The following DNM3 variants were observed in gnomAD, a reference collection of about 807,000 sequenced individuals.
DNM3 encodes the protein dynamin-3.
A neutral mutation model predicts 101.6 loss-of-function variants in DNM3; 47 were observed. That is an observed-to-expected ratio of 0.46 (90% CI 0.37 to 0.59). DNM3 has a LOEUF of 0.59. Ranked by LOEUF, DNM3 falls within the 20% of genes least tolerant of loss-of-function variation. The pLI is 0.00. For synonymous variants in DNM3, 385 were observed against 387.9 expected (o/e 0.99, Z 0.09); for missense variants, 849 against 1,085.7 (o/e 0.78, Z 3.06).
At chr1:172,303,120 G>T (rs2064556079) in intron 15 of DNM3, among the ~76,000 whole-genome samples, 1 of 152,086 alleles carries the variant, frequency 6.6e-6, no homozygotes, top group South Asian at 2.1e-4. Context: ...TTGCAAGGAA[G>T]CTAAAAACCT....
At chr1:172,121,227 A>G (rs531594986) in intron 13 of DNM3, among the ~76,000 whole-genome samples, 2 of 152,332 alleles carry the variant, frequency 1.3e-5, no homozygotes, top group African/African-American at 4.8e-5. Flanking sequence ...GAAAAAAACT[A>G]GAGCCCTGAT....
intron 11 of DNM3, among the ~76,000 whole-genome samples, chr1:172,073,694 T>C (rs1231069544): frequency 6.6e-6 from 1 of 152,146 alleles, no homozygotes; most frequent in Non-Finnish European, 1.5e-5. Flanking sequence ...ATACTCACAA[T>C]AGTCACCAAA....
intron 4 of DNM3, among the ~76,000 whole-genome samples, chr1:172,018,292 C>A (rs879693657): frequency 2.0e-5 from 3 of 151,884 alleles, no homozygotes; most frequent in Admixed American, 2.0e-4. Context: ...GTATCCCACT[C>A]TTTTTCTGCC....
chr1:172,146,256 A>T (rs1470472138), intron 14 of DNM3, among the ~76,000 whole-genome samples: 1 of 152,182 alleles, frequency 6.6e-6, no homozygotes, highest in Non-Finnish European at 1.5e-5. Context: ...GTACTGTCCT[A>T]AAGCATTTGC....
intron 1 of DNM3, among the ~76,000 whole-genome samples, chr1:171,897,089 A>T (rs1487120022): frequency 6.6e-6 from 1 of 152,064 alleles, no homozygotes; most frequent in East Asian, 1.9e-4. Flanking sequence ...ATTTTTTAGC[A>T]TCTTCTTCAT....
intron 17 of DNM3, among the ~76,000 whole-genome samples, chr1:172,337,839 CATTTT>C (rs770458024): frequency 9.1e-5 from 13 of 143,514 alleles, no homozygotes; most frequent in East Asian, 2.0e-4. Context: ...TGGGAGTATT[CATTTT>C]ATTTTATTTT....
At chr1:171,960,650 C>T (rs1390978645) in intron 2 of DNM3, among the ~76,000 whole-genome samples, 1 of 151,986 alleles carries the variant, frequency 6.6e-6, no homozygotes. Context: ...GAAGAGAAAC[C>T]TGAGCAGATA....
intron 20 of DNM3, among the ~76,000 whole-genome samples, chr1:172,395,440 G>A (rs1391271116): frequency 6.6e-6 from 1 of 151,962 alleles, no homozygotes; most frequent in African/African-American, 2.4e-5. Context: ...CAGAGTGCTG[G>A]GATTACAGCC....
chr1:171,944,500 A>G (rs892878156), intron 2 of DNM3, among the ~76,000 whole-genome samples: 4 of 151,696 alleles, frequency 2.6e-5, no homozygotes, highest in African/African-American at 9.7e-5. Flanking sequence ...TACCCGCTGC[A>G]GTGGCTGGGA....
At chr1:172,338,103 G>A (rs2066528509) in intron 17 of DNM3, among the ~76,000 whole-genome samples, 1 of 151,722 alleles carries the variant, frequency 6.6e-6, no homozygotes, top group Non-Finnish European at 1.5e-5. Context: ...TTTTAGTAGA[G>A]ACGGGGTTTC....
At chr1:172,196,918 C>T (rs2059971991) in intron 14 of DNM3, among the ~76,000 whole-genome samples, 2 of 152,064 alleles carry the variant, frequency 1.3e-5, no homozygotes, top group Admixed American at 1.3e-4. Context: ...TTAATTAGAT[C>T]CCACTTGTCA....
chr1:172,288,027 C>T (rs2148809271), intron 15 of DNM3, among the ~76,000 whole-genome samples: 1 of 152,230 alleles, frequency 6.6e-6, no homozygotes, highest in Non-Finnish European at 1.5e-5. Context: ...TAAGCTAATT[C>T]AACCATTGGC....
intron 8 of DNM3, among the ~76,000 whole-genome samples, chr1:172,042,772 G>T (rs147127150): frequency 1.3e-5 from 2 of 152,288 alleles, no homozygotes; most frequent in Non-Finnish European, 2.9e-5. Flanking sequence ...AGTGAATTCA[G>T]AGAGGGAGGA....
chr1:171,847,672 C>T (rs1256636638), intron 1 of DNM3, among the ~76,000 whole-genome samples: 1 of 152,024 alleles, frequency 6.6e-6, no homozygotes, highest in Non-Finnish European at 1.5e-5. Flanking sequence ...ATTCTATTTT[C>T]CTTTTAAAGA....
At chr1:172,038,574 G>C (rs1256476146) in intron 7 of DNM3, 113 bp downstream of exon 7, 2 of 1,318,420 alleles carry the variant, frequency 1.5e-6, no homozygotes, top group African/African-American at 3.0e-5. Context: ...ACTATATGAG[G>C]CTATCTATAT....
chr1:171,882,295 A>T (rs998786636), intron 1 of DNM3, among the ~76,000 whole-genome samples: 1 of 148,038 alleles, frequency 6.8e-6, no homozygotes, highest in African/African-American at 2.5e-5. Context: ...GTGAGCCGAG[A>T]TCGCGCCATT....
chr1:172,318,516 G>C (rs1465661749), intron 16 of DNM3, among the ~76,000 whole-genome samples: 2 of 152,166 alleles, frequency 1.3e-5, no homozygotes, highest in African/African-American at 2.4e-5. Flanking sequence ...ATCTCCTTAA[G>C]CTGATAAGCA....
At chr1:172,021,314 T>G (rs2047836948) in intron 4 of DNM3, among the ~76,000 whole-genome samples, 1 of 151,990 alleles carries the variant, frequency 6.6e-6, no homozygotes, top group Non-Finnish European at 1.5e-5. Context: ...CTACAATTTT[T>G]TTTTTTTAAT....
At chr1:172,292,601 T>TCTCA (rs2063968167) in intron 15 of DNM3, among the ~76,000 whole-genome samples, 2 of 148,692 alleles carry the variant, frequency 1.3e-5, no homozygotes, top group Admixed American at 6.7e-5. Context: ...ATAGAAGACT[T>TCTCA]CACACACACA....
Sources: gnomAD v4.1 joint callset for allele counts (sites outside exome capture counted in the v4.1 genomes callset) on GRCh38, gnomAD v4.1.1 for gene constraint, MANE v1.5 for transcripts, NCBI Gene and HGNC (gene_info 2026-07-23, HGNC 2026-07-21) for gene names.